COL27A1: variants seen among roughly 807,000 people sequenced by gnomAD.
The protein encoded by COL27A1 is collagen type XXVII alpha 1 chain.
In COL27A1, 106 loss-of-function variants were observed where a neutral mutation model predicts 251.3. That is an observed-to-expected ratio of 0.42 (90% CI 0.36 to 0.50). The LOEUF (loss-of-function observed/expected upper bound fraction) is 0.50, where lower values mean the gene tolerates loss of function less well. Ranked by LOEUF, COL27A1 falls within the 20% of genes least tolerant of loss-of-function variation. The pLI is 0.00. For missense variants in COL27A1, 2,325 were observed against 2,522.8 expected (o/e 0.92, Z 1.68); for synonymous variants, 1,000 against 986.3 (o/e 1.01, Z -0.26).
chr9:114,212,962 C>T (rs1354385456), intron 12 of COL27A1, among the ~76,000 whole-genome samples: 1 of 152,214 alleles, frequency 6.6e-6, no homozygotes, highest in Non-Finnish European at 1.5e-5. Flanking sequence ...AGGCCAGCCT[C>T]CAGGGCCACC....
At chr9:114,269,937 C>A (rs925206444) in intron 35 of COL27A1, among the ~76,000 whole-genome samples, 36 of 152,162 alleles carry the variant, frequency 2.4e-4, no homozygotes, top group African/African-American at 8.7e-4. Context: ...AGAGAGAGAC[C>A]CAAACTTAAT....
In COL27A1 at chr9:114,310,975, T is replaced by A. The variant is rs1324338258; in HGVS notation, c.*280T>A. On this transcript the variant is annotated 3_prime_UTR_variant, in exon 61 of 61. Transcript: ENST00000356083. ...TGCCTGAGCCCCGTGGCCTCTCAGC[T>A]CTGCGGCCACCCCGTTCCCTCCCCA... 3 of 345,770 alleles carry A rather than the reference T, an allele frequency of 8.7e-6. No homozygotes were observed. In the East Asian group the frequency reaches 1.4e-4, roughly 17 times the overall value. The allele number at this position is 345,770 out of a possible 1,614,324, so 21.4% of individuals were successfully genotyped here. A position where few individuals can be genotyped will look rare whatever the true frequency, so the allele number is the denominator to read the frequency against.
chr9:114,211,629 C>T (rs1345448625), intron 12 of COL27A1, among the ~76,000 whole-genome samples: 5 of 152,186 alleles, frequency 3.3e-5, no homozygotes, highest in African/African-American at 1.2e-4. Flanking sequence ...AGCCAAGGCA[C>T]GGAGAGATTA....
chr9:114,196,366 T>G (rs2808788), intron 7 of COL27A1, among the ~76,000 whole-genome samples: 109,002 of 152,150 alleles, frequency 0.72, 40,001 homozygotes, highest in Non-Finnish European at 0.78. Context: ...CCACCCACTG[T>G]CTGAGAGGCC....
rs544823552 is a variant in COL27A1, at chr9:114,257,577, C to T, written c.3142-964C>T. On this transcript the variant is annotated intron_variant, in intron 27 of 60. Transcript: ENST00000356083. Reference sequence around the variant, plus strand: ...ACCCTGTCTCTCTTGCCCCTCTTGTCGTCTGTTCATCAAAACCAAGATGGC... The same window carrying T: ...ACCCTGTCTCTCTTGCCCCTCTTGTTGTCTGTTCATCAAAACCAAGATGGC... Among the ~76,000 whole-genome samples, 7 of 151,702 alleles carry T rather than the reference C, an allele frequency of 4.6e-5. No homozygotes were observed. The East Asian group carries it at 9.8e-4, about 21-fold the overall frequency.
intron 41 of COL27A1, among the ~76,000 whole-genome samples, chr9:114,288,086 C>G (rs1023250897): frequency 6.6e-6 from 1 of 152,190 alleles, no homozygotes; most frequent in South Asian, 2.1e-4. Flanking sequence ...CACCCCACTC[C>G]GCTCTGTTCT....
At position 114,299,965 on chromosome 9, in the gene COL27A1, C is replaced by T. The variant is rs1828502399; in HGVS notation, c.4585-105C>T. ...CTTCACAGAGGAGTCACTGATATCCCTGGAAAGGCTGGGAGGGAAAAGGCA... is the reference window on the plus strand; with the variant it reads ...CTTCACAGAGGAGTCACTGATATCCTTGGAAAGGCTGGGAGGGAAAAGGCA... On this transcript the variant is annotated intron_variant, in intron 49 of 60. Transcript: ENST00000356083. 1.4e-5 allele frequency: 15 copies of T among 1,055,804 alleles called. No individual in the cohort carries two copies. The South Asian group carries it at 1.9e-4, about 14-fold the overall frequency. The allele number at this position is 1,055,804 out of a possible 1,614,324, so 65.4% of individuals were successfully genotyped here.
chr9:114,265,820 G>A (rs1019563968), intron 32 of COL27A1, among the ~76,000 whole-genome samples: 2 of 152,222 alleles, frequency 1.3e-5, no homozygotes, highest in Non-Finnish European at 1.5e-5. Flanking sequence ...CAAGCTGACC[G>A]GGAACTGCAG....
chr9:114,221,063 A>G (rs1425168829), intron 13 of COL27A1, among the ~76,000 whole-genome samples: 1 of 151,646 alleles, frequency 6.6e-6, no homozygotes, highest in African/African-American at 2.4e-5. Flanking sequence ...GCCTCATCAC[A>G]CAGGTTCAGT....
Position 114,183,034 on chromosome 9 carries a change from C to T in COL27A1, c.1975C>T (p.Pro659Ser). The T allele has an allele frequency of 6.2e-7, 1 of 1,613,664 alleles. No individual in the cohort carries two copies. Among genetic ancestry groups the T allele is most frequent in the Non-Finnish European group, 8.5e-7 (1 of 1,179,926 alleles). The change falls in exon 5 of 61, where the codon CCT becomes TCT. Residue 659 changes from proline (P) to serine (S), a missense_variant. This residue lies in a region of COL27A1 where 1,183 missense variants were observed against 1,144.1 expected (regional missense o/e 1.03). Coordinates refer to ENST00000356083, the MANE Select transcript of COL27A1 (RefSeq NM_032888.4). ...TTGTCTCTTTCAGGGTCCTCCTGGG[C>T]CTTATGGAAATCCAGGTCTCCCCGG... ...GARGPRGPPG[P>S]YGNPGLPGPP...
intron 3 of COL27A1, among the ~76,000 whole-genome samples, chr9:114,175,777 C>T (rs557825863): frequency 7.2e-5 from 11 of 152,368 alleles, no homozygotes; most frequent in African/African-American, 2.4e-4. Context: ...GCTGCACCCA[C>T]GGAGCCTGTT....
At position 114,309,368 on chromosome 9, in the gene COL27A1, G is replaced by A. The variant is rs1295486346; in HGVS notation, c.5326G>A (p.Gly1776Ser). 3.1e-6 allele frequency: 5 copies of A among 1,614,114 alleles called. No individual in the cohort carries two copies. Among genetic ancestry groups the A allele is most frequent in the Admixed American group, 1.7e-5 (1 of 60,026 alleles). ...CCTTAACATGACCGTGTGGCAGGAGGGCACTGGGCAGACCCCAGCCAAGCA... is the reference window on the plus strand; with the variant it reads ...CCTTAACATGACCGTGTGGCAGGAGAGCACTGGGCAGACCCCAGCCAAGCA... The part of the protein sequence containing the change: ...HCLNMTVWQE[G>S]TGQTPAKQAV... Residue 1776 changes from glycine (G) to serine (S), a missense_variant, in exon 60 of 61, where the codon GGC becomes AGC. By Grantham distance (56) the Gly-to-Ser change is moderately conservative. Around this residue, in one of 4 missense-constraint regions of COL27A1, gnomAD observed 327 missense variants for 442.8 expected, o/e 0.74. Transcript: ENST00000356083.
At chr9:114,203,016 G>A (rs891701679) in intron 7 of COL27A1, among the ~76,000 whole-genome samples, 7 of 152,178 alleles carry the variant, frequency 4.6e-5, no homozygotes, top group Non-Finnish European at 8.8e-5. Context: ...GTTCGATAGC[G>A]TTAGGTACAT....
chr9:114,231,867 G>A lies in COL27A1; in HGVS notation c.2565+1G>A, dbSNP rs1352914856. 1 of 1,614,096 alleles carries A rather than the reference G, an allele frequency of 6.2e-7. No homozygotes were observed. On this transcript the variant is annotated splice_donor_variant, in intron 16 of 60. Transcript: ENST00000356083. LOFTEE classifies it high-confidence loss of function. Reference sequence around the variant, plus strand: ...GGAGCCCGGACTGAAAGGTGATAAGGTGATCTGAATACTCCCTTATTGCAC... The same window carrying A: ...GGAGCCCGGACTGAAAGGTGATAAGATGATCTGAATACTCCCTTATTGCAC...
chr9:114,267,413 T>C (rs1017774490), intron 33 of COL27A1, 91 bp from the exon 34 acceptor site: 14 of 1,096,584 alleles, frequency 1.3e-5, no homozygotes, highest in Non-Finnish European at 1.7e-5. Context: ...CCCTGGGTGT[T>C]CTCTTGCCCT....
rs572786093 is a variant in COL27A1 at position 114,290,567 on chromosome 9, C to G, written c.4368+236C>G. Among the ~76,000 whole-genome samples, 24 of 152,264 alleles carry G rather than the reference C, an allele frequency of 1.6e-4. No homozygotes were observed. The highest frequency in any genetic ancestry group is 5.3e-4 in the African/African-American group (22 of 41,532). On this transcript the variant is annotated intron_variant, in intron 47 of 60. Transcript: ENST00000356083. This position sits in a 1 kb window ranked among gnomAD's most constrained non-coding sequence, Gnocchi z 4.6. ...GAAAGACCTTCCTTTCCTCCCCTGC[C>G]TGGTGGATAGGGTTCCTCTCCCGCC...
intron 4 of COL27A1, among the ~76,000 whole-genome samples, chr9:114,182,539 G>C (rs1157684301): frequency 1.3e-5 from 2 of 152,086 alleles, no homozygotes; most frequent in African/African-American, 2.4e-5. Context: ...GCAACGAGGA[G>C]AGAAAGTACC....
At chr9:114,222,378 C>G in intron 14 of COL27A1, 111 bp downstream of exon 14, 1 of 1,018,732 alleles carries the variant, frequency 9.8e-7, no homozygotes, top group Non-Finnish European at 1.5e-6. Context: ...AAAGACCCTT[C>G]TCTCATCAAA....
At chr9:114,198,373 G>T (rs780472529) in intron 7 of COL27A1, among the ~76,000 whole-genome samples, 3 of 152,180 alleles carry the variant, frequency 2.0e-5, no homozygotes, top group Non-Finnish European at 4.4e-5. Context: ...AGAAAAATTA[G>T]CAAGAGAAAG....
Sources: allele counts gnomAD v4.1 joint callset (sites outside exome capture counted in the v4.1 genomes callset), GRCh38; gene constraint gnomAD v4.1.1; regional missense constraint gnomAD v4.1.1; non-coding constraint Gnocchi (gnomAD v3.1); transcripts MANE v1.5; gene names NCBI Gene and HGNC (gene_info 2026-07-23, HGNC 2026-07-21).